Variants in XRCC4 observed in about 807,000 individuals in gnomAD.
XRCC4 encodes DNA repair protein XRCC4.
In XRCC4, 28 loss-of-function variants were observed where a neutral mutation model predicts 39.1. The ratio of observed to expected loss-of-function variants is 0.72; its 90% CI spans 0.53 to 0.98. The LOEUF is 0.98. Among genes scored for constraint, XRCC4 ranks in the 50% least tolerant of loss-of-function variants. The pLI is 0.00. For missense variants in XRCC4, 350 were observed against 376.4 expected (o/e 0.93, Z 0.58); for synonymous variants, 123 against 126.4 (o/e 0.97, Z 0.18).
chr5:83,151,594 T>G (rs1748705717), intron 3 of XRCC4, among the ~76,000 whole-genome samples: 1 of 152,176 alleles, frequency 6.6e-6, no homozygotes, highest in Non-Finnish European at 1.5e-5. Flanking sequence ...TATTAATGAT[T>G]TAAAATCTTC....
At chr5:83,262,838 C>CTTTTTT (rs72274529) in intron 7 of XRCC4, among the ~76,000 whole-genome samples, 1 of 119,468 alleles carries the variant, frequency 8.4e-6, no homozygotes, top group Non-Finnish European at 1.7e-5. Flanking sequence ...TTATCACAGT[C>CTTTTTT]TTTTTTTTTT....
chr5:83,332,434 A>G (rs892664066), intron 7 of XRCC4, among the ~76,000 whole-genome samples: 1 of 152,194 alleles, frequency 6.6e-6, no homozygotes, highest in Non-Finnish European at 1.5e-5. Context: ...AGCTCAAAGA[A>G]GGCAGTCCAT....
intron 1 of XRCC4, among the ~76,000 whole-genome samples, chr5:83,103,338 A>G (rs971407750): frequency 1.3e-5 from 2 of 152,060 alleles, no homozygotes; most frequent in African/African-American, 4.8e-5. Context: ...TTCTAACTCT[A>G]ACTTTCAGTA....
chr5:83,331,428 T>A (rs889365215), intron 7 of XRCC4, among the ~76,000 whole-genome samples: 2 of 152,082 alleles, frequency 1.3e-5, no homozygotes, highest in African/African-American at 4.8e-5. Flanking sequence ...CAACAGGAAC[T>A]CTTACACACT....
At chr5:83,305,248 T>G (rs1309819977) in intron 7 of XRCC4, among the ~76,000 whole-genome samples, 1 of 152,128 alleles carries the variant, frequency 6.6e-6, no homozygotes, top group Admixed American at 6.5e-5. Context: ...GAACCAATAT[T>G]AATACACTAT....
chr5:83,237,081 A>G (rs1768726266), intron 6 of XRCC4, among the ~76,000 whole-genome samples: 1 of 152,136 alleles, frequency 6.6e-6, no homozygotes, highest in African/African-American at 2.4e-5. Context: ...GAGGATGTGA[A>G]GAAAGGAGAA....
At chr5:83,089,752 C>T (rs954108493) in intron 1 of XRCC4, among the ~76,000 whole-genome samples, 1 of 152,030 alleles carries the variant, frequency 6.6e-6, no homozygotes, top group South Asian at 2.1e-4. Flanking sequence ...AAACACTTCC[C>T]CAAAAGAATT....
intron 3 of XRCC4, among the ~76,000 whole-genome samples, chr5:83,181,231 T>G (rs1339077698): frequency 6.6e-6 from 1 of 152,004 alleles, no homozygotes. Context: ...TAATTTCCAG[T>G]ATAGTTATGG....
At chr5:83,340,380 A>C (rs2112198179) in intron 7 of XRCC4, among the ~76,000 whole-genome samples, 1 of 152,290 alleles carries the variant, frequency 6.6e-6, no homozygotes. Flanking sequence ...AAGGCTGCAG[A>C]TGGAAATAAG....
chr5:83,349,372 C>T (rs903696496), intron 7 of XRCC4, among the ~76,000 whole-genome samples: 1 of 152,132 alleles, frequency 6.6e-6, no homozygotes, highest in Non-Finnish European at 1.5e-5. Context: ...TACAAAAAGT[C>T]TAACAATAAA....
At chr5:83,167,079 G>A (rs546237417) in intron 3 of XRCC4, among the ~76,000 whole-genome samples, 5 of 149,754 alleles carry the variant, frequency 3.3e-5, no homozygotes, top group South Asian at 2.1e-4. Flanking sequence ...ATGGTATTTC[G>A]CCATGTTTGC....
At chr5:83,182,147 G>C (rs1580338822) in intron 3 of XRCC4, among the ~76,000 whole-genome samples, 2 of 152,086 alleles carry the variant, frequency 1.3e-5, no homozygotes, top group Non-Finnish European at 2.9e-5. Context: ...ATATTAATGA[G>C]CAGAGTATAG....
At chr5:83,165,976 C>G (rs117010383) in intron 3 of XRCC4, among the ~76,000 whole-genome samples, 9 of 151,360 alleles carry the variant, frequency 5.9e-5, no homozygotes, top group South Asian at 2.1e-4. Flanking sequence ...ACCTCCACCC[C>G]CTGGGTCCAA....
At chr5:83,119,721 C>A (rs1005335634) in intron 3 of XRCC4, among the ~76,000 whole-genome samples, 6 of 152,014 alleles carry the variant, frequency 3.9e-5, no homozygotes, top group Admixed American at 6.6e-5. Flanking sequence ...CCTGTAATCC[C>A]AGCACTTTGG....
intron 7 of XRCC4, among the ~76,000 whole-genome samples, chr5:83,269,836 G>A (rs1425133128): frequency 6.6e-6 from 1 of 152,094 alleles, no homozygotes; most frequent in Non-Finnish European, 1.5e-5. Flanking sequence ...GACTGGTTTT[G>A]TGGAAGACAA....
rs118114547 is a variant in XRCC4 at position 83,118,940 on chromosome 5, G to A, written c.315+7737G>A. Reference sequence around the variant, plus strand: ...CAACATAAAGTAAGTATACTTTAAAGGATAAAGTAAGTATCCTACTCTGTA... The same window carrying A: ...CAACATAAAGTAAGTATACTTTAAAAGATAAAGTAAGTATCCTACTCTGTA... On this transcript the variant is annotated intron_variant, in intron 3 of 7. Coordinates refer to ENST00000396027, the MANE Select transcript of XRCC4 (RefSeq NM_003401.5). Among the ~76,000 whole-genome samples, 82 of 152,186 alleles carry A rather than the reference G, an allele frequency of 5.4e-4. 2 individuals carry two copies. In the East Asian group the frequency reaches 0.015, roughly 29 times the overall value.
rs200279286 is a variant in XRCC4, at chr5:83,099,883, ACAGGG to A, written c.-10-5025_-10-5021del. ...AAACTATGGCTGACTATTCCCATTT[ACAGGG>A]CTGGTGAAAGCAAAGAGATCGTTCA... On this transcript the variant is annotated intron_variant, in intron 1 of 7. Transcript: ENST00000396027. 4.8e-3 allele frequency among the ~76,000 whole-genome samples: 730 copies of A among 152,302 alleles called. 7 individuals carry two copies. Among genetic ancestry groups the A allele is most frequent in the African/African-American group, 0.016 (683 of 41,562 alleles).
At chr5:83,219,301 G>T (rs1247589102) in intron 6 of XRCC4, among the ~76,000 whole-genome samples, 1 of 151,890 alleles carries the variant, frequency 6.6e-6, no homozygotes, top group Admixed American at 6.6e-5. Flanking sequence ...CTTTTTTTGG[G>T]TGTGTTGGGG....
intron 6 of XRCC4, among the ~76,000 whole-genome samples, chr5:83,241,942 G>GGGAGGAGGAGGAAGAGGA (rs1415913850): frequency 7.1e-6 from 1 of 140,630 alleles, no homozygotes; most frequent in Non-Finnish European, 1.5e-5. Context: ...GAGGAAGAGT[G>GGGAGGAGGAGGAAGAGGA]GGAGGAGGAG....
Sources: allele counts gnomAD v4.1 joint callset (sites outside exome capture counted in the v4.1 genomes callset), GRCh38; gene constraint gnomAD v4.1.1; transcripts MANE v1.5; gene names NCBI Gene and HGNC (gene_info 2026-07-23, HGNC 2026-07-21).